Variants in MTMR8 observed in about 807,000 individuals in gnomAD.
The protein encoded by MTMR8 is phosphatidylinositol-3,5-bisphosphate 3-phosphatase MTMR8.
Under a neutral mutation model 39.3 loss-of-function variants are expected in MTMR8, and 65 were observed. The observed-to-expected ratio is 1.65, with a 90% CI of 1.35 to 2.03. MTMR8 has a LOEUF of 2.03. Among genes scored for constraint, MTMR8 ranks in the 30% most tolerant of loss-of-function variants. MTMR8 has a pLI of 0.00. For missense variants in MTMR8, 777 were observed against 538.9 expected (o/e 1.44, Z -4.37); for synonymous variants, 245 against 185.2 (o/e 1.32, Z -2.62).
At chrX:64,333,480 G>A (rs946467332) in intron 10 of MTMR8, among the ~76,000 whole-genome samples, 7 of 111,506 alleles carry the variant, frequency 6.3e-5, no homozygotes, top group African/African-American at 1.6e-4. Context: ...CTAATCTTTC[G>A]TTTGGACTGG....
chrX:64,275,719 A>T (rs758268536), intron 12 of MTMR8, among the ~76,000 whole-genome samples: 1 of 110,111 alleles, frequency 9.1e-6, no homozygotes, highest in South Asian at 3.9e-4. Context: ...TCCAAAACTG[A>T]TAAAACTTTA....
chrX:64,301,207 G>T (rs1374170447), intron 12 of MTMR8, among the ~76,000 whole-genome samples: 4 of 109,394 alleles, frequency 3.7e-5, no homozygotes, highest in Non-Finnish European at 7.6e-5. Flanking sequence ...ATCACTTTCA[G>T]GTACACCAAT....
intron 1 of MTMR8, among the ~76,000 whole-genome samples, chrX:64,362,168 G>C (rs1923797751): frequency 9.2e-6 from 1 of 109,063 alleles, no homozygotes. Flanking sequence ...TCTAATGAAG[G>C]ATATAGAATA....
chrX:64,351,270 A>C (rs756682720), intron 4 of MTMR8, among the ~76,000 whole-genome samples: 5 of 111,500 alleles, frequency 4.5e-5, no homozygotes, highest in South Asian at 7.5e-4. Context: ...AAGCCACCTC[A>C]CAGATGACCC....
At chrX:64,340,797 A>T (rs1343972956) in intron 8 of MTMR8, among the ~76,000 whole-genome samples, 1 of 111,841 alleles carries the variant, frequency 8.9e-6, no homozygotes, top group Non-Finnish European at 1.9e-5. Context: ...TTCACTAATG[A>T]TTAAAGAAAT....
chrX:64,295,469 C>A (rs1049518812), intron 12 of MTMR8, among the ~76,000 whole-genome samples: 2 of 111,377 alleles, frequency 1.8e-5, no homozygotes, highest in East Asian at 5.7e-4. Context: ...AATTGATAAA[C>A]TGTACTTTAT....
At chrX:64,320,155 T>G (rs1569219689) in intron 12 of MTMR8, among the ~76,000 whole-genome samples, 1 of 111,625 alleles carries the variant, frequency 9.0e-6, no homozygotes, top group Non-Finnish European at 1.9e-5. Flanking sequence ...TATTTTATTC[T>G]CTTTGAAGCA....
chrX:64,288,695 A>G (rs897990318), intron 12 of MTMR8, among the ~76,000 whole-genome samples: 9 of 111,928 alleles, frequency 8.0e-5, no homozygotes, highest in Non-Finnish European at 1.3e-4. Context: ...GCCATAAAAA[A>G]TGATGAGTTC....
At chrX:64,302,978 G>T (rs1921953349) in intron 12 of MTMR8, among the ~76,000 whole-genome samples, 1 of 112,299 alleles carries the variant, frequency 8.9e-6, no homozygotes, top group African/African-American at 3.2e-5. Flanking sequence ...GAGTCTGGAT[G>T]GCCTCGTGCT....
intron 1 of MTMR8, among the ~76,000 whole-genome samples, chrX:64,365,348 G>C (rs958573316): frequency 4.6e-5 from 5 of 109,340 alleles, no homozygotes; most frequent in Non-Finnish European, 9.5e-5. Flanking sequence ...AAATGTTAAG[G>C]GCAGCCAGAG....
At chrX:64,344,804 A>G (rs1170561257) in intron 7 of MTMR8, among the ~76,000 whole-genome samples, 1 of 111,565 alleles carries the variant, frequency 9.0e-6, no homozygotes, top group Non-Finnish European at 1.9e-5. Context: ...TTTCATACCA[A>G]CTAGACCCAG....
intron 1 of MTMR8, among the ~76,000 whole-genome samples, chrX:64,380,269 G>A (rs907023029): frequency 9.3e-4 from 105 of 112,731 alleles, no homozygotes; most frequent in African/African-American, 3.1e-3. Flanking sequence ...ATGCTCACAC[G>A]TTTCAGATTT....
intron 12 of MTMR8, among the ~76,000 whole-genome samples, chrX:64,272,852 G>T (rs957906247): frequency 8.9e-6 from 1 of 111,898 alleles, no homozygotes; most frequent in Non-Finnish European, 1.9e-5. Context: ...AAACTTTCAG[G>T]ACAGAAGAGA....
intron 2 of MTMR8, among the ~76,000 whole-genome samples, chrX:64,359,094 T>C (rs1923707139): frequency 9.0e-6 from 1 of 111,116 alleles, no homozygotes; most frequent in African/African-American, 3.3e-5. Context: ...CAGCAAGGCT[T>C]TAAATTACTT....
At chrX:64,312,544 G>A (rs1303661826) in intron 12 of MTMR8, among the ~76,000 whole-genome samples, 3 of 112,226 alleles carry the variant, frequency 2.7e-5, no homozygotes, top group Non-Finnish European at 5.6e-5. Context: ...AATTGTCCCT[G>A]TTTGCACATG....
At chrX:64,377,510 G>A (rs748903365) in intron 1 of MTMR8, among the ~76,000 whole-genome samples, 10 of 112,573 alleles carry the variant, frequency 8.9e-5, no homozygotes, top group Non-Finnish European at 1.7e-4. Context: ...TAATGACTAC[G>A]CTGCTGGGTT....
intron 12 of MTMR8, among the ~76,000 whole-genome samples, chrX:64,301,076 A>C (rs1463708127): frequency 9.5e-6 from 1 of 105,056 alleles, no homozygotes; most frequent in Non-Finnish European, 2.0e-5. Flanking sequence ...CTTCTTGAGG[A>C]GTATCTTTGT....
chrX:64,354,897 G>T lies in MTMR8; in HGVS notation c.348C>A (p.Pro116=), dbSNP rs1286861128. The T allele has an allele frequency of 2.4e-5, 29 of 1,200,022 alleles. No homozygotes were observed. The highest frequency in any genetic ancestry group is 2.9e-5 in the Non-Finnish European group (26 of 890,613). The change falls in exon 4 of 14, where the codon CCC becomes CCA. Residue 116 remains proline (P), a synonymous_variant. Transcript: ENST00000374852. ...PEDLYAFSYN[P]KSSKEMRESG... ...TTTCCCTCATCTCTTTTGAGGATTTGGGATTATAAGAAAAAGCATAAAGAT... is the reference window on the plus strand; with the variant it reads ...TTTCCCTCATCTCTTTTGAGGATTTTGGATTATAAGAAAAAGCATAAAGAT...
At chrX:64,342,406 T>C (rs372531666) in intron 8 of MTMR8, among the ~76,000 whole-genome samples, 3 of 112,110 alleles carry the variant, frequency 2.7e-5, no homozygotes, top group Non-Finnish European at 5.6e-5. Flanking sequence ...GTAACAGAGA[T>C]AGGGAACACA....
Sources: gnomAD v4.1 joint callset for allele counts (sites outside exome capture counted in the v4.1 genomes callset) on GRCh38, gnomAD v4.1.1 for gene constraint, MANE v1.5 for transcripts, NCBI Gene and HGNC (gene_info 2026-07-23, HGNC 2026-07-21) for gene names.